GREM2: variants seen among roughly 807,000 people sequenced by gnomAD.
The protein encoded by GREM2 is gremlin-2.
A neutral mutation model predicts 14.2 loss-of-function variants in GREM2; 11 were observed. The observed-to-expected ratio is 0.78, with a 90% confidence interval of 0.49 to 1.28. The LOEUF (loss-of-function observed/expected upper bound fraction) is 1.28. Among genes scored for constraint, GREM2 ranks in the 50% most tolerant of loss-of-function variants. GREM2 has a pLI of 0.00. For synonymous variants in GREM2, 98 were observed against 97.6 expected, an observed-to-expected ratio of 1.00 and a Z score of -0.02; for missense variants, 210 against 218.5, an observed-to-expected ratio of 0.96 and a Z score of 0.24.
intron 1 of GREM2, among the ~76,000 whole-genome samples, chr1:240,590,136 A>G (rs910779861): frequency 2.2e-4 from 34 of 152,196 alleles, no homozygotes; most frequent in Non-Finnish European, 7.3e-5. Flanking sequence ...CTACAGCTGT[A>G]TTTTAAGAAC....
intron 1 of GREM2, among the ~76,000 whole-genome samples, chr1:240,609,430 T>C (rs931285827): frequency 4.6e-5 from 7 of 151,934 alleles, no homozygotes; most frequent in African/African-American, 1.7e-4. Flanking sequence ...TTAGGCCTAT[T>C]ATACCTAATA....
intron 1 of GREM2, among the ~76,000 whole-genome samples, chr1:240,541,777 C>A (rs1007637539): frequency 6.6e-6 from 1 of 152,074 alleles, no homozygotes; most frequent in South Asian, 2.1e-4. Flanking sequence ...TCCAGCAAGA[C>A]AAGCAAGTGG....
At chr1:240,493,524 C>A (rs10926280) in intron 1 of GREM2, 48 bp from the exon 2 acceptor site, 578,561 of 1,492,998 alleles carry the variant, frequency 0.39, 116,146 homozygotes, top group East Asian at 0.43. Flanking sequence ...CCGTAGAGTA[C>A]GGGATCAATC....
chr1:240,525,672 T>C (rs911701278), intron 1 of GREM2, among the ~76,000 whole-genome samples: 59 of 152,094 alleles, frequency 3.9e-4, no homozygotes, highest in African/African-American at 1.4e-3. Flanking sequence ...AGAGATGGGG[T>C]TTCACCATGT....
At position 240,493,381 on chromosome 1, in the gene GREM2, G is replaced by T. The variant is rs756394325; in HGVS notation, c.95C>A (p.Ser32Ter). ...RKNRPAGAIPSPYKDGSSNNS... is the reference protein window; with the variant it reads ...RKNRPAGAIP Reference sequence around the variant, plus strand: ...GTTGCTGCTGCCGTCCTTGTAAGGCGAGGGGATGGCGCCCGCCGGCCGGTT... The same window carrying T: ...GTTGCTGCTGCCGTCCTTGTAAGGCTAGGGGATGGCGCCCGCCGGCCGGTT... Residue 32 changes from serine to a stop codon, truncating the protein, a stop_gained, in exon 2 of 2, where the codon TCG (serine) becomes TAG (stop). Coordinates refer to ENST00000318160, the MANE Select transcript of GREM2 (RefSeq NM_022469.4). LOFTEE classifies it high-confidence loss of function. 6.2e-7 allele frequency: 1 copy of T among 1,613,626 alleles called. No homozygotes were observed. Among genetic ancestry groups the T allele is most frequent in the South Asian group, 1.1e-5 (1 of 91,054 alleles).
At chr1:240,599,431 AAAG>A (rs1226097936) in intron 1 of GREM2, among the ~76,000 whole-genome samples, 2 of 152,146 alleles carry the variant, frequency 1.3e-5, no homozygotes, top group African/African-American at 4.8e-5. Context: ...TGATCTGGCT[AAAG>A]AAGAACAGGA....
intron 1 of GREM2, among the ~76,000 whole-genome samples, chr1:240,508,462 T>G (rs2103286618): frequency 6.6e-6 from 1 of 152,350 alleles, no homozygotes; most frequent in Middle Eastern, 3.4e-3. Flanking sequence ...TCGTGCTGTT[T>G]CGTGTCCATT....
chr1:240,584,494 CAAA>C (rs35785335), intron 1 of GREM2, among the ~76,000 whole-genome samples: 363 of 73,828 alleles, frequency 4.9e-3, no homozygotes, highest in African/African-American at 0.015. Context: ...GACTCCATCT[CAAA>C]AAAAAAAAAA....
rs140709571 is a variant in GREM2 at position 240,532,397 on chromosome 1, T to C, written c.-1-38921A>G. ...GAGTGCCCGGCCTTGAACTAAATTA[T>C]CTTAATTGTCCCTTCCATCTCTATA... On this transcript the variant is annotated intron_variant, in intron 1 of 1. Transcript: ENST00000318160. Among the ~76,000 whole-genome samples, 66 of 152,294 alleles carry C rather than the reference T, an allele frequency of 4.3e-4. No homozygotes were observed. In the East Asian group the frequency reaches 0.011, roughly 25 times the overall value.
intron 1 of GREM2, among the ~76,000 whole-genome samples, chr1:240,526,006 C>G (rs564989660): frequency 1.3e-5 from 2 of 152,278 alleles, no homozygotes; most frequent in African/African-American, 4.8e-5. Flanking sequence ...CTTTTGCAGT[C>G]ACATCTCCTT....
At chr1:240,546,823 A>AT (rs2103332639) in intron 1 of GREM2, among the ~76,000 whole-genome samples, 1 of 152,324 alleles carries the variant, frequency 6.6e-6, no homozygotes, top group South Asian at 2.1e-4. Flanking sequence ...AGCATCTTAC[A>AT]TGTCAGTAAC....
chr1:240,545,888 A>C (rs969024980), intron 1 of GREM2, among the ~76,000 whole-genome samples: 2 of 152,224 alleles, frequency 1.3e-5, no homozygotes, highest in African/African-American at 2.4e-5. Flanking sequence ...GCATAAAATG[A>C]AACAAAAAAC....
At position 240,542,444 on chromosome 1, in the gene GREM2, A is replaced by T. The variant is rs1678612247; in HGVS notation, c.-1-48968T>A. On this transcript the variant is annotated intron_variant, in intron 1 of 1. Transcript: ENST00000318160. The surrounding 1 kb of genome is among the most constrained non-coding windows in gnomAD (Gnocchi z 4.1). ...ACATGGCGAAACCCCCATCTCTACT[A>T]AAAAAAAAAAAAAAAAAAAAATTAG... Among the ~76,000 whole-genome samples, 1 of 38,540 alleles carries T rather than the reference A, an allele frequency of 2.6e-5. No individual in the cohort carries two copies. Among genetic ancestry groups the T allele is most frequent in the African/African-American group, 1.4e-4 (1 of 7,116 alleles). The allele number at this position is 38,540 out of a possible 152,430, so 25.3% of individuals were successfully genotyped here.
intron 1 of GREM2, among the ~76,000 whole-genome samples, chr1:240,596,054 A>C (rs542943253): frequency 6.6e-6 from 1 of 152,184 alleles, no homozygotes; most frequent in Non-Finnish European, 1.5e-5. Flanking sequence ...CGACTATAAT[A>C]TCAGTTATTA....
At chr1:240,589,598 C>T (rs1679668727) in intron 1 of GREM2, among the ~76,000 whole-genome samples, 1 of 151,976 alleles carries the variant, frequency 6.6e-6, no homozygotes, top group Non-Finnish European at 1.5e-5. Context: ...TGCCTTGTTC[C>T]TATGAGAACA....
At chr1:240,541,990 T>G (rs980586153) in intron 1 of GREM2, among the ~76,000 whole-genome samples, 1 of 152,186 alleles carries the variant, frequency 6.6e-6, no homozygotes, top group African/African-American at 2.4e-5. Context: ...AAATGATATA[T>G]TGATGACATT....
chr1:240,591,587 C>A (rs1226764865), intron 1 of GREM2, among the ~76,000 whole-genome samples: 2 of 152,150 alleles, frequency 1.3e-5, no homozygotes, highest in African/African-American at 2.4e-5. Flanking sequence ...ACATCTCCCA[C>A]CTTCAACTTT....
intron 1 of GREM2, among the ~76,000 whole-genome samples, chr1:240,521,372 T>C (rs952403951): frequency 9.2e-5 from 14 of 151,906 alleles, no homozygotes; most frequent in Non-Finnish European, 1.3e-4. Flanking sequence ...ATCGAGACCA[T>C]CCTGGCTAAC....
intron 1 of GREM2, among the ~76,000 whole-genome samples, chr1:240,500,799 G>A (rs1226169209): frequency 2.6e-5 from 4 of 152,180 alleles, no homozygotes; most frequent in African/African-American, 9.7e-5. Flanking sequence ...ATTGCCAATA[G>A]TGCTGAACTG....
Sources: gnomAD v4.1 joint callset for allele counts (sites outside exome capture counted in the v4.1 genomes callset) on GRCh38, gnomAD v4.1.1 for gene constraint, Gnocchi (gnomAD v3.1) non-coding constraint, MANE v1.5 for transcripts, NCBI Gene and HGNC (gene_info 2026-07-23, HGNC 2026-07-21) for gene names.